TANC1: variants seen among roughly 807,000 people sequenced by gnomAD.
The protein encoded by TANC1 is tetratricopeptide repeat, ankyrin repeat and coiled-coil containing 1, also known as protein TANC1.
In TANC1, 77 loss-of-function variants were observed where a neutral mutation model predicts 149.7. The ratio of observed to expected loss-of-function variants is 0.51; its 90% CI spans 0.43 to 0.62. TANC1 has a LOEUF of 0.62. TANC1 is among the 20% of genes least tolerant of loss of function. The pLI is 0.00. For missense variants in TANC1, 1,985 were observed against 2,321.8 expected (o/e 0.85, Z 2.98); for synonymous variants, 854 against 925.0 (o/e 0.92, Z 1.39).
intron 8 of TANC1, among the ~76,000 whole-genome samples, chr2:159,164,342 C>G (rs186562913): frequency 7.9e-5 from 12 of 152,206 alleles, no homozygotes; most frequent in Admixed American, 2.6e-4. Flanking sequence ...TATAAGTAAT[C>G]TAGAGATTAT....
chr2:158,976,687 C>A (rs146660873), intron 1 of TANC1, among the ~76,000 whole-genome samples: 3,179 of 152,234 alleles, frequency 0.021, 64 homozygotes, highest in Non-Finnish European at 0.034. Flanking sequence ...TTAAGACCAG[C>A]CTGGCCAACA....
intron 25 of TANC1, chr2:159,228,526 C>A: frequency 2.3e-6 from 1 of 436,688 alleles, no homozygotes. Flanking sequence ...CTCTCTGAGG[C>A]TGCCCCTCCA....
At chr2:159,010,156 T>C (rs1243553071) in intron 2 of TANC1, among the ~76,000 whole-genome samples, 2 of 152,206 alleles carry the variant, frequency 1.3e-5, no homozygotes, top group African/African-American at 4.8e-5. Flanking sequence ...TGTAGGGAGC[T>C]AGTCTGGCAG....
chr2:159,191,195 T>A (rs1471698160), intron 16 of TANC1, among the ~76,000 whole-genome samples: 1 of 152,210 alleles, frequency 6.6e-6, no homozygotes, highest in East Asian at 1.9e-4. Flanking sequence ...GCACATGGCC[T>A]GTTCTTCCTT....
chr2:159,160,921 C>T (rs1445063338), intron 7 of TANC1, among the ~76,000 whole-genome samples: 1 of 152,154 alleles, frequency 6.6e-6, no homozygotes, highest in Non-Finnish European at 1.5e-5. Context: ...AGCCCTTCCT[C>T]CCCCACCCCT....
chr2:159,162,012 G>A (rs2054094817), intron 7 of TANC1, among the ~76,000 whole-genome samples: 1 of 152,184 alleles, frequency 6.6e-6, no homozygotes, highest in African/African-American at 2.4e-5. Flanking sequence ...TTTTAAAATA[G>A]GCAACCAGAG....
chr2:159,197,617 A>G (rs1286531318), intron 18 of TANC1, among the ~76,000 whole-genome samples: 1 of 142,898 alleles, frequency 7.0e-6, no homozygotes, highest in East Asian at 1.9e-4. Context: ...ACACACACAC[A>G]CACACACACA....
chr2:159,128,844 A>T (rs780429281), intron 4 of TANC1, among the ~76,000 whole-genome samples: 8 of 152,190 alleles, frequency 5.3e-5, no homozygotes, highest in Non-Finnish European at 1.0e-4. Flanking sequence ...CTTGCTCCTT[A>T]AAATCCAAGA....
Position 159,110,515 on chromosome 2 carries a change from A to G in TANC1, c.259+12681A>G, listed in dbSNP as rs564828100. On this transcript the variant is annotated intron_variant, in intron 4 of 26. Coordinates refer to ENST00000263635, the MANE Select transcript of TANC1 (RefSeq NM_033394.3). ...TTTTTGAAAAAGATGGGGTTTCACCATGTTGCACAGGCTGGTCTTGAACTC... is the reference window on the plus strand; with the variant it reads ...TTTTTGAAAAAGATGGGGTTTCACCGTGTTGCACAGGCTGGTCTTGAACTC... Among the ~76,000 whole-genome samples, 42 of 152,344 alleles carry G rather than the reference A, an allele frequency of 2.8e-4. 1 individual carries two copies. The South Asian group carries it at 8.3e-3, about 30-fold the overall frequency.
rs765984896 is a variant in TANC1, at chr2:159,150,476, A to G, written c.602A>G (p.Lys201Arg). 4 of 1,614,180 alleles carry G rather than the reference A, an allele frequency of 2.5e-6. No homozygotes were observed. Among genetic ancestry groups the G allele is most frequent in the South Asian group, 2.2e-5 (2 of 91,084 alleles). The change falls in exon 7 of 27, where the codon AAG becomes AGG. Residue 201 changes from lysine to arginine, a missense_variant. Physicochemically the swap from Lys to Arg is conservative, Grantham distance 26. Around this residue, in one of 3 missense-constraint regions of TANC1, gnomAD observed 557 missense variants for 612.9 expected, o/e 0.91. Coordinates refer to ENST00000263635, the MANE Select transcript of TANC1 (RefSeq NM_033394.3). ...PCSTLNSCVS[K>R]TAANKSPCET... ...TCAACCTTGAATAGCTGTGTCAGCA[A>G]GACGGCAGCCAACAAAAGTCCCTGT...
At position 159,150,434 on chromosome 2, in the gene TANC1, G is replaced by A. The variant is rs771258704; in HGVS notation, c.560G>A (p.Ser187Asn). ...CTAACAAGCAGCACCGCATCTCCTA[G>A]CACCGATAGCCCCTGCTCAACCTTG... Reference protein sequence around the residue: ...STLTSSTASPSTDSPCSTLNS... With the variant: ...STLTSSTASPNTDSPCSTLNS... The change falls in exon 7 of 27, where the codon AGC becomes AAC. Residue 187 changes from serine (S) to asparagine (N), a missense_variant. Ser to Asn is a conservative substitution (Grantham distance 46, BLOSUM62 1). Transcript: ENST00000263635. The A allele has an allele frequency of 1.2e-6, 2 of 1,614,146 alleles. No homozygotes were observed. The highest frequency in any genetic ancestry group is 1.7e-6 in the Non-Finnish European group (2 of 1,180,028).
At chr2:159,069,530 T>G (rs2042960239) in intron 3 of TANC1, among the ~76,000 whole-genome samples, 1 of 152,170 alleles carries the variant, frequency 6.6e-6, no homozygotes, top group Non-Finnish European at 1.5e-5. Flanking sequence ...ACATTCATAT[T>G]ACTACTATTA....
intron 7 of TANC1, among the ~76,000 whole-genome samples, chr2:159,161,864 T>C (rs1270761127): frequency 6.6e-6 from 1 of 152,240 alleles, no homozygotes. Flanking sequence ...ACAAATGGAA[T>C]TGAAGTTTAT....
intron 2 of TANC1, among the ~76,000 whole-genome samples, chr2:159,034,449 C>T (rs1481156339): frequency 1.3e-5 from 2 of 152,162 alleles, no homozygotes; most frequent in Non-Finnish European, 2.9e-5. Context: ...ATCAACTGGT[C>T]GGGTTTGAAA....
intron 14 of TANC1, among the ~76,000 whole-genome samples, chr2:159,182,799 A>G (rs375944806): frequency 1.6e-4 from 25 of 151,734 alleles, no homozygotes; most frequent in Admixed American, 1.2e-3. Flanking sequence ...ACTAGAAGCC[A>G]CTGATGACCA....
chr2:159,018,553 C>G (rs2038501015), intron 2 of TANC1, among the ~76,000 whole-genome samples: 1 of 152,186 alleles, frequency 6.6e-6, no homozygotes, highest in South Asian at 2.1e-4. Flanking sequence ...GCATTAAGTA[C>G]ATTCACATTG....
chr2:159,145,296 C>T (rs564147321), intron 5 of TANC1, among the ~76,000 whole-genome samples: 1 of 152,292 alleles, frequency 6.6e-6, no homozygotes, highest in African/African-American at 2.4e-5. Context: ...TAGATATGAA[C>T]TTGTGAAACC....
chr2:159,033,221 A>G (rs553922134), intron 2 of TANC1, among the ~76,000 whole-genome samples: 4 of 152,132 alleles, frequency 2.6e-5, no homozygotes, highest in Non-Finnish European at 5.9e-5. Flanking sequence ...GAGAAGAGTG[A>G]TTTAAGTCAG....
intron 8 of TANC1, among the ~76,000 whole-genome samples, chr2:159,167,105 G>A (rs1362702242): frequency 6.6e-6 from 1 of 152,198 alleles, no homozygotes; most frequent in Non-Finnish European, 1.5e-5. Flanking sequence ...TTTATAAACT[G>A]TTCTAAGGAG....
Sources: gnomAD v4.1 joint callset for allele counts (sites outside exome capture counted in the v4.1 genomes callset) on GRCh38, gnomAD v4.1.1 for gene constraint, gnomAD v4.1.1 regional missense constraint, MANE v1.5 for transcripts, NCBI Gene and HGNC (gene_info 2026-07-23, HGNC 2026-07-21) for gene names.